The following CSMD3 variants were observed in gnomAD, a reference collection of about 807,000 sequenced individuals.
The protein encoded by CSMD3 is CUB and Sushi multiple domains 3.
CSMD3 carries 177 observed loss-of-function variants against 435.2 expected under a neutral mutation model. The observed-to-expected ratio is 0.41, with a 90% CI of 0.36 to 0.46. The LOEUF (loss-of-function observed/expected upper bound fraction) is 0.46, where lower values mean the gene tolerates loss of function less well. CSMD3 is among the 20% of genes least tolerant of loss of function. CSMD3 has a pLI of 0.34. For synonymous variants in CSMD3, 1,656 were observed against 1,520.5 expected (o/e 1.09, Z -2.07); for missense variants, 4,265 against 4,504.6 (o/e 0.95, Z 1.52).
At chr8:112,747,977 A>AC (rs1563921924) in intron 13 of CSMD3, among the ~76,000 whole-genome samples, 2 of 151,724 alleles carry the variant, frequency 1.3e-5, no homozygotes, top group African/African-American at 4.8e-5. Context: ...AAAAAAAAAA[A>AC]AAAAAAAAAC....
intron 2 of CSMD3, among the ~76,000 whole-genome samples, chr8:113,293,961 A>C (rs2093702713): frequency 6.6e-6 from 1 of 152,092 alleles, no homozygotes; most frequent in East Asian, 1.9e-4. Context: ...CTTGAGTAAA[A>C]AATATATTTC....
chr8:112,346,836 G>A (rs1825726851), intron 40 of CSMD3, among the ~76,000 whole-genome samples: 1 of 151,646 alleles, frequency 6.6e-6, no homozygotes, highest in African/African-American at 2.4e-5. Context: ...CTGCCACCAC[G>A]CCCGGCTAAT....
intron 9 of CSMD3, among the ~76,000 whole-genome samples, chr8:112,931,252 A>C (rs2083097781): frequency 6.6e-6 from 1 of 152,072 alleles, no homozygotes; most frequent in Non-Finnish European, 1.5e-5. Flanking sequence ...CATAATGACT[A>C]TGCTATAAAG....
intron 22 of CSMD3, among the ~76,000 whole-genome samples, chr8:112,596,141 C>T (rs201624222): frequency 0.57 from 84,928 of 149,572 alleles, 24,574 homozygotes; most frequent in African/African-American, 0.67. Context: ...CAGAGACACA[C>T]ATAGGCTCAA....
At chr8:113,128,439 A>C (rs1363859332) in intron 4 of CSMD3, among the ~76,000 whole-genome samples, 1 of 151,982 alleles carries the variant, frequency 6.6e-6, no homozygotes, top group Admixed American at 6.6e-5. Flanking sequence ...ATACTGAAAA[A>C]ATAGAGATAG....
At chr8:112,799,770 G>C (rs1384303684) in intron 13 of CSMD3, among the ~76,000 whole-genome samples, 1 of 151,814 alleles carries the variant, frequency 6.6e-6, no homozygotes, top group Non-Finnish European at 1.5e-5. Flanking sequence ...TTTGTACATT[G>C]GAATATTTAG....
At chr8:112,902,320 A>C (rs2082127084) in intron 10 of CSMD3, among the ~76,000 whole-genome samples, 1 of 151,186 alleles carries the variant, frequency 6.6e-6, no homozygotes. Flanking sequence ...AGGGTAGGTC[A>C]ACTTGGATTT....
At chr8:112,464,198 A>C (rs1254157563) in intron 32 of CSMD3, among the ~76,000 whole-genome samples, 2 of 150,506 alleles carry the variant, frequency 1.3e-5, no homozygotes, top group African/African-American at 2.5e-5. Flanking sequence ...AGATCTTGCC[A>C]CTGCACTCCA....
At chr8:112,966,940 T>A (rs1164177838) in intron 7 of CSMD3, among the ~76,000 whole-genome samples, 1 of 151,924 alleles carries the variant, frequency 6.6e-6, no homozygotes, top group Non-Finnish European at 1.5e-5. Context: ...AACAAAATCC[T>A]ATGAGGAATA....
At chr8:113,196,801 A>G (rs1376250804) in intron 3 of CSMD3, among the ~76,000 whole-genome samples, 1 of 151,294 alleles carries the variant, frequency 6.6e-6, no homozygotes, top group Non-Finnish European at 1.5e-5. Context: ...TCTTCCTGGC[A>G]TTAATGACAC....
In CSMD3 at chr8:112,947,783, A is replaced by C; in HGVS notation, c.1508+7T>G. 1.8e-6 allele frequency: 2 copies of C among 1,135,504 alleles called. No individual in the cohort carries two copies. Among genetic ancestry groups the C allele is most frequent in the East Asian group, 4.7e-5 (2 of 42,374 alleles). The allele number at this position is 1,135,504 out of a possible 1,614,324, so 70.3% of individuals were successfully genotyped here. ...TAAATAATGAAGTCAATATTTTAAAATATTACCTAAAATCTGATCCGATTC... is the reference window on the plus strand; with the variant it reads ...TAAATAATGAAGTCAATATTTTAAACTATTACCTAAAATCTGATCCGATTC... On this transcript the variant is annotated splice_region_variant and intron_variant, in intron 9 of 70. Coordinates refer to ENST00000297405, the MANE Select transcript of CSMD3 (RefSeq NM_198123.2).
intron 49 of CSMD3, among the ~76,000 whole-genome samples, chr8:112,312,763 T>C (rs1822106719): frequency 6.6e-6 from 1 of 152,202 alleles, no homozygotes; most frequent in Non-Finnish European, 1.5e-5. Flanking sequence ...AACAGAATTA[T>C]TCTATTCATA....
intron 59 of CSMD3, among the ~76,000 whole-genome samples, chr8:112,267,451 C>T (rs962169596): frequency 5.9e-5 from 9 of 151,566 alleles, no homozygotes; most frequent in East Asian, 5.8e-4. Context: ...ACTCATGTAC[C>T]GACAATACGT....
At position 112,663,991 on chromosome 8, in the gene CSMD3, C is replaced by T. The variant is rs145186446; in HGVS notation, c.2816+2286G>A. On this transcript the variant is annotated intron_variant, in intron 17 of 70. Transcript: ENST00000297405. The stretch of plus-strand genomic sequence containing the variant: ...TAGGTTTCCCTTGTATGTGGGATGG[C>T]GGTGAAGTCTTTTTACTTGAATATT... Among the ~76,000 whole-genome samples the T allele has an allele frequency of 1.4e-3, 216 of 152,070 alleles. 2 individuals carry two copies. Among genetic ancestry groups the T allele is most frequent in the African/African-American group, 4.9e-3 (205 of 41,500 alleles).
intron 22 of CSMD3, among the ~76,000 whole-genome samples, chr8:112,628,726 T>C (rs754016614): frequency 6.6e-6 from 1 of 152,136 alleles, no homozygotes; most frequent in Non-Finnish European, 1.5e-5. Context: ...CAATTCAATA[T>C]AGCATGATGA....
At chr8:113,028,936 A>G (rs77767000) in intron 5 of CSMD3, among the ~76,000 whole-genome samples, 54 of 151,752 alleles carry the variant, frequency 3.6e-4, no homozygotes, top group African/African-American at 1.1e-3. Context: ...CAGATTTTCA[A>G]TGCAGAAGAA....
chr8:113,059,759 G>A (rs1008455232), intron 5 of CSMD3, among the ~76,000 whole-genome samples: 2 of 152,074 alleles, frequency 1.3e-5, no homozygotes, highest in Non-Finnish European at 2.9e-5. Context: ...AACAAAGAAA[G>A]GAAGACAGAG....
rs1229841328 is a variant in CSMD3, at chr8:113,178,115, C to T, written c.515-4199G>A. Among the ~76,000 whole-genome samples, 4 of 151,918 alleles carry T rather than the reference C, an allele frequency of 2.6e-5. No individual in the cohort carries two copies. The East Asian group carries it at 7.7e-4, about 29-fold the overall frequency. On this transcript the variant is annotated intron_variant, in intron 3 of 70. Transcript: ENST00000297405. ...AATACTACAGCATGTCCCTTGCCTTCTGAGTTAACAGTTTGAGAAAGTCAA... is the reference window on the plus strand; with the variant it reads ...AATACTACAGCATGTCCCTTGCCTTTTGAGTTAACAGTTTGAGAAAGTCAA...
In CSMD3 at chr8:113,125,632, A is replaced by C. The variant is rs116584750; in HGVS notation, c.710-26669T>G. Among the ~76,000 whole-genome samples, 1,017 of 152,054 alleles carry C rather than the reference A, an allele frequency of 6.7e-3. 13 individuals are homozygous for C. Among genetic ancestry groups the C allele is most frequent in the African/African-American group, 0.023 (950 of 41,528 alleles). ...AGAAATAAATACAGTAGTAAAGAAG[A>C]GTGGGAAGGACTGGCCAGTAAAGTG... On this transcript the variant is annotated intron_variant, in intron 4 of 70. Transcript: ENST00000297405.
Sources: gnomAD v4.1 joint callset for allele counts (sites outside exome capture counted in the v4.1 genomes callset) on GRCh38, gnomAD v4.1.1 for gene constraint, MANE v1.5 for transcripts, NCBI Gene and HGNC (gene_info 2026-07-23, HGNC 2026-07-21) for gene names.